Variants in SCAF4 observed in about 807,000 individuals in gnomAD.
SCAF4 encodes the protein SR-related CTD associated factor 4, also known as SR-related and CTD-associated factor 4.
SCAF4 carries 25 observed loss-of-function variants against 129.8 expected under a neutral mutation model. The observed-to-expected ratio is 0.19, with a 90% CI of 0.14 to 0.27. The LOEUF is 0.27. SCAF4 is among the 10% of genes least tolerant of loss of function. SCAF4 has a pLI of 1.00. For missense variants in SCAF4, 1,246 were observed against 1,457.1 expected (o/e 0.86, Z 2.36); for synonymous variants, 551 against 497.7 (o/e 1.11, Z -1.43).
At chr21:31,699,421 A>G (rs1028261528) in intron 7 of SCAF4, among the ~76,000 whole-genome samples, 2 of 152,118 alleles carry the variant, frequency 1.3e-5, no homozygotes, top group Non-Finnish European at 2.9e-5. Context: ...TGCAAACAAG[A>G]GTGCAAGAAT....
In SCAF4 at chr21:31,701,874, G is replaced by C; in HGVS notation, c.502C>G (p.Gln168Glu). ...GCTGGGACGGAGTTTGGAGTGGCTTGTGTGGGAGGTTCAGAAGAAACTTTT... is the reference window on the plus strand; with the variant it reads ...GCTGGGACGGAGTTTGGAGTGGCTTCTGTGGGAGGTTCAGAAGAAACTTTT... ...PVKVSSEPPTQATPNSVPAVP... is the reference protein window; with the variant it reads ...PVKVSSEPPTEATPNSVPAVP... Residue 168 changes from glutamine to glutamate, a missense_variant, in exon 6 of 20, where the codon CAA becomes GAA. Physicochemically the swap from Gln to Glu is conservative, Grantham distance 29. This residue lies in a region of SCAF4 where 143 missense variants were observed against 161.0 expected (regional missense o/e 0.89). Coordinates refer to ENST00000286835, the MANE Select transcript of SCAF4 (RefSeq NM_020706.2). 6.2e-7 allele frequency: 1 copy of C among 1,603,286 alleles called. No homozygotes were observed. Among genetic ancestry groups the C allele is most frequent in the Non-Finnish European group, 8.5e-7 (1 of 1,176,400 alleles).
At chr21:31,672,456 A>G in intron 19 of SCAF4, 102 bp from the exon 20 acceptor site, 2 of 944,600 alleles carry the variant, frequency 2.1e-6, no homozygotes, top group South Asian at 1.5e-5. Context: ...TCAACCCACA[A>G]TCTTCAAATT....
chr21:31,712,190 C>G (rs2050813913), intron 1 of SCAF4, among the ~76,000 whole-genome samples: 1 of 148,712 alleles, frequency 6.7e-6, no homozygotes, highest in Non-Finnish European at 1.5e-5. Context: ...GTTGCCAGTT[C>G]TGCTGAGTTT....
intron 1 of SCAF4, among the ~76,000 whole-genome samples, chr21:31,721,396 C>T (rs2051063443): frequency 6.6e-6 from 1 of 152,098 alleles, no homozygotes; most frequent in South Asian, 2.1e-4. Context: ...TTCTTAAAGG[C>T]TTTAAAACGG....
chr21:31,680,104 C>T lies in SCAF4; in HGVS notation c.2488+4945G>A, dbSNP rs553975839. Among the ~76,000 whole-genome samples the T allele has an allele frequency of 5.3e-5, 8 of 152,284 alleles. No individual in the cohort carries two copies. The South Asian group carries it at 1.7e-3, about 32-fold the overall frequency. On this transcript the variant is annotated intron_variant, in intron 19 of 19. Transcript: ENST00000286835. ...AATCTAGAGCCCAGAGTTACTGCCC[C>T]TCCCACCTTCCTCAAGATGTCCCTC...
At chr21:31,710,498 G>A (rs1016597494) in intron 1 of SCAF4, among the ~76,000 whole-genome samples, 3 of 152,154 alleles carry the variant, frequency 2.0e-5, no homozygotes, top group Non-Finnish European at 2.9e-5. Flanking sequence ...GCAGTGAGCC[G>A]AGATGGTGCC....
chr21:31,682,468 G>T (rs1601187929), intron 19 of SCAF4, among the ~76,000 whole-genome samples: 1 of 151,876 alleles, frequency 6.6e-6, no homozygotes, highest in Admixed American at 6.6e-5. Flanking sequence ...AATTGCAAAA[G>T]ATATTCTTCT....
intron 1 of SCAF4, among the ~76,000 whole-genome samples, chr21:31,729,591 T>C (rs1161526354): frequency 6.6e-6 from 1 of 151,286 alleles, no homozygotes; most frequent in African/African-American, 2.5e-5. Context: ...GAACATTTCA[T>C]GAATGGGGAG....
At chr21:31,682,250 G>A (rs113932659) in intron 19 of SCAF4, among the ~76,000 whole-genome samples, 2,379 of 152,056 alleles carry the variant, frequency 0.016, 68 homozygotes, top group African/African-American at 0.054. Context: ...GTGGTGGCAC[G>A]CGCCTGTAGT....
In SCAF4 at chr21:31,730,368, C is replaced by T. The variant is rs1343644997; in HGVS notation, c.30+1295G>A. On this transcript the variant is annotated intron_variant, in intron 1 of 19. Transcript: ENST00000286835. ...AGACACTGTCCAATACCAGTTGCAACTTCTGCAGTTAGGGCATTTTATGTA... is the reference window on the plus strand; with the variant it reads ...AGACACTGTCCAATACCAGTTGCAATTTCTGCAGTTAGGGCATTTTATGTA... Among the ~76,000 whole-genome samples, 3 of 152,186 alleles carry T rather than the reference C, an allele frequency of 2.0e-5. No homozygotes were observed. In the East Asian group the frequency reaches 5.8e-4, roughly 29 times the overall value.
intron 1 of SCAF4, among the ~76,000 whole-genome samples, chr21:31,709,871 G>T (rs1424617362): frequency 6.6e-6 from 1 of 150,850 alleles, no homozygotes; most frequent in African/African-American, 2.4e-5. Context: ...AAAAAAAAAG[G>T]GTCATATCTG....
At chr21:31,685,314 C>T in intron 18 of SCAF4, 74 bp from the exon 19 acceptor site, 2 of 1,489,068 alleles carry the variant, frequency 1.3e-6, no homozygotes, top group East Asian at 2.3e-5. Flanking sequence ...TTATGCCATA[C>T]TATAGATCCT....
In SCAF4 at chr21:31,722,823, C is replaced by T. The variant is rs1039805866; in HGVS notation, c.30+8840G>A. On this transcript the variant is annotated intron_variant, in intron 1 of 19. Transcript: ENST00000286835. Reference sequence around the variant, plus strand: ...CAAAAATTAGCCGGGTGTGGTGGCACGTGCCTGTAATCCCAGCTAGTCAGG... The same window carrying T: ...CAAAAATTAGCCGGGTGTGGTGGCATGTGCCTGTAATCCCAGCTAGTCAGG... Among the ~76,000 whole-genome samples, 7 of 152,080 alleles carry T rather than the reference C, an allele frequency of 4.6e-5. No individual in the cohort carries two copies. The East Asian group carries it at 7.8e-4, about 17-fold the overall frequency.
At chr21:31,675,880 C>G (rs980539462) in intron 19 of SCAF4, among the ~76,000 whole-genome samples, 12 of 152,020 alleles carry the variant, frequency 7.9e-5, no homozygotes, top group African/African-American at 2.9e-4. Flanking sequence ...CATTAAAGGG[C>G]TACGGGGGAG....
rs1412254780 is a variant in SCAF4 at position 31,672,312 on chromosome 21, G to A, written c.2531C>T (p.Ala844Val). The change falls in exon 20 of 20, where the codon GCA (alanine) becomes GTA (valine). Residue 844 changes from alanine (A) to valine (V), a missense_variant. Transcript: ENST00000286835. ...VAPGPVIGLQ[A>V]PSTGLLGARP... ...GGCGCCAAGAAGACCAGTAGATGGT[G>A]CCTGAAGTCCAATTACAGGACCAGG... 1 of 1,613,842 alleles carries A rather than the reference G, an allele frequency of 6.2e-7. No homozygotes were observed. The highest frequency in any genetic ancestry group is 1.1e-5 in the South Asian group (1 of 91,070).
In SCAF4 at chr21:31,693,285, T is replaced by C. The variant is rs7278895; in HGVS notation, c.1513+9A>G. ...AGTACATGAGGTTTGAATATAAAGG[T>C]TGAGTTACCACTTGCAGTTTCCGGT... On this transcript the variant is annotated intron_variant, in intron 12 of 19. Transcript: ENST00000286835. 6,659 of 1,451,684 alleles carry C rather than the reference T, an allele frequency of 4.6e-3. 236 individuals carry two copies. The African/African-American group carries it at 0.082, about 18-fold the overall frequency. The allele number at this position is 1,451,684 out of a possible 1,614,324, so 89.9% of individuals were successfully genotyped here. A position where few individuals can be genotyped will look rare whatever the true frequency, so the allele number is the denominator to read the frequency against.
Position 31,700,980 on chromosome 21 carries a change from G to T in SCAF4, c.777+15C>A. The T allele has an allele frequency of 6.2e-7, 1 of 1,612,944 alleles. No individual in the cohort carries two copies. The highest frequency in any genetic ancestry group is 8.5e-7 in the Non-Finnish European group (1 of 1,178,986). ...TGATATAAATGGTGGGGTGGGTTAT[G>T]TGAGAGAAATATACCTTGTCAAATG... On this transcript the variant is annotated intron_variant, in intron 7 of 19. Coordinates refer to ENST00000286835, the MANE Select transcript of SCAF4 (RefSeq NM_020706.2).
At chr21:31,673,986 CG>C (rs1046641410) in intron 19 of SCAF4, among the ~76,000 whole-genome samples, 1 of 152,102 alleles carries the variant, frequency 6.6e-6, no homozygotes, top group Non-Finnish European at 1.5e-5. Flanking sequence ...ACCAGAAAAA[CG>C]GGGGAAACAG....
intron 4 of SCAF4, 127 bp downstream of exon 4, chr21:31,703,638 T>C (rs1455215340): frequency 2.9e-5 from 15 of 519,800 alleles, no homozygotes; most frequent in Non-Finnish European, 5.0e-5. Flanking sequence ...AACTGTTTTG[T>C]TTCAAGCTCA....
Sources: allele counts gnomAD v4.1 joint callset (sites outside exome capture counted in the v4.1 genomes callset), GRCh38; gene constraint gnomAD v4.1.1; regional missense constraint gnomAD v4.1.1; transcripts MANE v1.5; gene names NCBI Gene and HGNC (gene_info 2026-07-23, HGNC 2026-07-21).